Variants in CYP4Z1 observed in about 807,000 individuals in gnomAD.
CYP4Z1 encodes cytochrome P450 4Z1.
In CYP4Z1, 41 loss-of-function variants were observed where a neutral mutation model predicts 54.2. The ratio of observed to expected loss-of-function variants is 0.76; its 90% CI spans 0.59 to 0.98. CYP4Z1 has a LOEUF of 0.98. CYP4Z1 is among the 50% of genes least tolerant of loss of function. The pLI, the probability that CYP4Z1 is intolerant of heterozygous loss-of-function variation, is 0.00. For missense variants in CYP4Z1, 513 were observed against 599.0 expected (o/e 0.86, Z 1.50); for synonymous variants, 163 against 206.2 (o/e 0.79, Z 1.79).
chr1:47,100,176 T>C (rs1644711109), intron 8 of CYP4Z1, among the ~76,000 whole-genome samples: 1 of 151,242 alleles, frequency 6.6e-6, no homozygotes, highest in Non-Finnish European at 1.5e-5. Flanking sequence ...ACTCATTTTT[T>C]AGAGGAGCTT....
chr1:47,058,658 C>G, the CYP4Z1 span, among the ~76,000 whole-genome samples: 1 of 152,112 alleles, frequency 6.6e-6, no homozygotes, highest in Non-Finnish European at 1.5e-5. Context: ...TTCTCTCTTT[C>G]ATACACCACA....
chr1:47,067,776 C>G, intron 1 of CYP4Z1, 109 bp downstream of exon 1: 1 of 999,192 alleles, frequency 1.0e-6, no homozygotes. Context: ...TGCTTTCACA[C>G]CAATCTCATT....
chr1:47,095,124 C>T (rs1644668476), intron 7 of CYP4Z1, among the ~76,000 whole-genome samples: 1 of 152,152 alleles, frequency 6.6e-6, no homozygotes, highest in Admixed American at 6.5e-5. Flanking sequence ...ATTATCTGGG[C>T]ACTTGTCTGT....
chr1:47,078,302 G>T (rs528987632), intron 2 of CYP4Z1, among the ~76,000 whole-genome samples: 1 of 152,130 alleles, frequency 6.6e-6, no homozygotes, highest in Admixed American at 6.5e-5. Flanking sequence ...TTCTCTGCCT[G>T]CTCAAATCAA....
chr1:47,067,575 G>A lies in CYP4Z1; in HGVS notation c.85G>A (p.Val29Ile). The A allele has an allele frequency of 1.2e-6, 2 of 1,613,656 alleles. No homozygotes were observed. The change falls in exon 1 of 12, where the codon GTA becomes ATA. Residue 29 changes from valine (V) to isoleucine (I), a missense_variant. Transcript: ENST00000334194. Reference protein sequence around the residue: ...LLCMSLLLFQVIRLYQRRRWM... With the variant: ...LLCMSLLLFQIIRLYQRRRWM... The stretch of plus-strand genomic sequence containing the variant: ...CTGCATGTCTCTGCTGCTGTTTCAG[G>A]TAATCAGGTTGTACCAGAGGAGGAG...
chr1:47,097,007 A>G (rs1486453691), intron 7 of CYP4Z1: 1 of 148,750 alleles, frequency 6.7e-6, no homozygotes, highest in Non-Finnish European at 1.5e-5. Flanking sequence ...TTCCCGCACC[A>G]CGTGTCCATG....
At chr1:47,113,003 GA>G (rs765293633) in intron 9 of CYP4Z1, among the ~76,000 whole-genome samples, 2,990 of 139,156 alleles carry the variant, frequency 0.021, 89 homozygotes, top group African/African-American at 0.071. Flanking sequence ...ACTAGGAAAG[GA>G]AAAAAAAAAA....
At chr1:47,063,142 T>G (rs1005954103), upstream of CYP4Z1, among the ~76,000 whole-genome samples, 1 of 151,904 alleles carries the variant, frequency 6.6e-6, no homozygotes, top group African/African-American at 2.4e-5. Context: ...GCAAAAATAA[T>G]CACTACAGTT....
At chr1:47,057,335 A>AAAAAAAAAAAAAAAAAAT in the CYP4Z1 span, among the ~76,000 whole-genome samples, 8 of 28,484 alleles carry the variant, frequency 2.8e-4, no homozygotes, top group Non-Finnish European at 5.9e-4. Flanking sequence ...AAGAAAAAAA[A>AAAAAAAAAAAAAAAAAAT]ATATATATAT....
At chr1:47,057,338 ATATATATATATATATATATAT>A in the CYP4Z1 span, among the ~76,000 whole-genome samples, 2 of 72,610 alleles carry the variant, frequency 2.8e-5, no homozygotes, top group East Asian at 4.6e-4. Context: ...AAAAAAAAAT[ATATATATATATATATATATAT>A]ATATATATAT....
At chr1:47,057,574 T>C in the CYP4Z1 span, among the ~76,000 whole-genome samples, 11 of 149,082 alleles carry the variant, frequency 7.4e-5, no homozygotes, top group African/African-American at 2.5e-4. Flanking sequence ...CTTTTGCTCA[T>C]CCAGTGAGTT....
At chr1:47,089,701 C>A (rs1569725704) in intron 6 of CYP4Z1, among the ~76,000 whole-genome samples, 2 of 152,290 alleles carry the variant, frequency 1.3e-5, no homozygotes, top group Middle Eastern at 6.8e-3. Context: ...AATCAAACTC[C>A]AAACAGTGCT....
chr1:47,106,287 T>G (rs755593036), intron 9 of CYP4Z1, 26 bp downstream of exon 9: 9 of 1,573,860 alleles, frequency 5.7e-6, no homozygotes, highest in Non-Finnish European at 2.6e-6. Context: ...TTTTTTTTTT[T>G]AACAATGCAG....
intron 2 of CYP4Z1, among the ~76,000 whole-genome samples, chr1:47,079,014 C>T (rs1644545031): frequency 1.3e-5 from 2 of 152,084 alleles, no homozygotes; most frequent in African/African-American, 4.8e-5. Flanking sequence ...GGAATCAGTG[C>T]TAGTTCTTTT....
At chr1:47,100,935 A>C (rs962733178) in intron 8 of CYP4Z1, among the ~76,000 whole-genome samples, 1 of 151,936 alleles carries the variant, frequency 6.6e-6, no homozygotes, top group African/African-American at 2.4e-5. Flanking sequence ...CAATCTCACT[A>C]CTCATACTGG....
At chr1:47,104,033 C>T (rs1644739427) in intron 8 of CYP4Z1, among the ~76,000 whole-genome samples, 1 of 152,032 alleles carries the variant, frequency 6.6e-6, no homozygotes, top group African/African-American at 2.4e-5. Flanking sequence ...TTTCATGTTT[C>T]CTGTGTTCTT....
chr1:47,117,420 AC>A (rs1644838324), intron 11 of CYP4Z1, among the ~76,000 whole-genome samples: 1 of 152,124 alleles, frequency 6.6e-6, no homozygotes, highest in Admixed American at 6.6e-5. Context: ...TTAAAATAAA[AC>A]ATTTGCTGGA....
At chr1:47,100,467 C>G (rs1480396696) in intron 8 of CYP4Z1, among the ~76,000 whole-genome samples, 3 of 152,198 alleles carry the variant, frequency 2.0e-5, no homozygotes, top group Non-Finnish European at 4.4e-5. Flanking sequence ...TGCCATCTCC[C>G]TCTGTCCCAT....
At chr1:47,086,064 G>T (rs1223352371) in intron 6 of CYP4Z1, among the ~76,000 whole-genome samples, 1 of 152,044 alleles carries the variant, frequency 6.6e-6, no homozygotes. Context: ...TGGTGTATAT[G>T]TGCCACATTT....
Sources: allele counts gnomAD v4.1 joint callset (sites outside exome capture counted in the v4.1 genomes callset), GRCh38; gene constraint gnomAD v4.1.1; transcripts MANE v1.5; gene names NCBI Gene and HGNC (gene_info 2026-07-23, HGNC 2026-07-21).